Variants in CAMSAP2 observed in about 807,000 individuals in gnomAD.
The protein encoded by CAMSAP2 is calmodulin-regulated spectrin-associated protein 2.
A neutral mutation model predicts 146.1 loss-of-function variants in CAMSAP2; 26 were observed. The observed-to-expected ratio is 0.18, with a 90% CI of 0.13 to 0.25. CAMSAP2 has a LOEUF of 0.25. CAMSAP2 is among the 10% of genes least tolerant of loss of function. The pLI is 1.00. For missense variants in CAMSAP2, 1,381 were observed against 1,759.3 expected, an observed-to-expected ratio of 0.78 and a Z score of 3.85; for synonymous variants, 499 against 596.6, an observed-to-expected ratio of 0.84 and a Z score of 2.38.
Position 200,850,001 on chromosome 1 carries a change from A to C in CAMSAP2, c.3232A>C (p.Thr1078Pro). Reference sequence around the variant, plus strand: ...CTCTGAAGTCCTATCACTGCCTGTCACAGAGACTGTATGTCTGACACCAAA... The same window carrying C: ...CTCTGAAGTCCTATCACTGCCTGTCCCAGAGACTGTATGTCTGACACCAAA... ...TVSEVLSLPV[T>P]ETVCLTPNED... The change falls in exon 11 of 17, where the codon ACA becomes CCA. Residue 1078 changes from threonine to proline, a missense_variant. By Grantham distance (38) the Thr-to-Pro change is conservative. Coordinates refer to ENST00000358823, the MANE Select transcript of CAMSAP2 (RefSeq NM_203459.4). 1 of 1,614,116 alleles carries C rather than the reference A, an allele frequency of 6.2e-7. No homozygotes were observed. Among genetic ancestry groups the C allele is most frequent in the East Asian group, 2.2e-5 (1 of 44,880 alleles).
chr1:200,789,051 GT>G (rs967696085), intron 2 of CAMSAP2, among the ~76,000 whole-genome samples: 2 of 152,026 alleles, frequency 1.3e-5, no homozygotes, highest in Admixed American at 1.3e-4. Flanking sequence ...TGTTTTCTGA[GT>G]TTTAAGAGTT....
chr1:200,782,872 A>G (rs1311153912), intron 2 of CAMSAP2, among the ~76,000 whole-genome samples: 1 of 139,320 alleles, frequency 7.2e-6, no homozygotes, highest in Non-Finnish European at 1.5e-5. Context: ...TCACGGGCTC[A>G]ACCTCCTGGG....
chr1:200,792,589 G>A (rs1470819904), intron 2 of CAMSAP2, among the ~76,000 whole-genome samples: 1 of 152,206 alleles, frequency 6.6e-6, no homozygotes, highest in Non-Finnish European at 1.5e-5. Flanking sequence ...AGGTTGCAGT[G>A]AGCCGAGATG....
At chr1:200,803,904 T>C (rs1289080283) in intron 2 of CAMSAP2, among the ~76,000 whole-genome samples, 1 of 148,448 alleles carries the variant, frequency 6.7e-6, no homozygotes, top group Non-Finnish European at 1.5e-5. Flanking sequence ...ATTCAAACAT[T>C]ATTATGGTAT....
At chr1:200,798,413 T>G (rs1333357088) in intron 2 of CAMSAP2, among the ~76,000 whole-genome samples, 1 of 125,166 alleles carries the variant, frequency 8.0e-6, no homozygotes, top group Admixed American at 8.6e-5. Context: ...CTAGGTATTT[T>G]ATTCTCTTTG....
intron 4 of CAMSAP2, among the ~76,000 whole-genome samples, chr1:200,822,108 T>C (rs1666784359): frequency 6.8e-6 from 1 of 147,666 alleles, no homozygotes; most frequent in Non-Finnish European, 1.5e-5. Flanking sequence ...TCCTTTATCA[T>C]TCTGTCTCCC....
At chr1:200,822,575 AT>A (rs1666802962) in intron 4 of CAMSAP2, among the ~76,000 whole-genome samples, 1 of 152,214 alleles carries the variant, frequency 6.6e-6, no homozygotes, top group African/African-American at 2.4e-5. Context: ...GGCACATGAT[AT>A]CCATTTACCC....
intron 2 of CAMSAP2, among the ~76,000 whole-genome samples, chr1:200,799,962 A>G (rs1665992190): frequency 6.6e-6 from 1 of 152,146 alleles, no homozygotes. Context: ...TTCAGTTTCC[A>G]TGTAGTTTAG....
At position 200,832,139 on chromosome 1, in the gene CAMSAP2, AT is replaced by A. The variant is rs1160605586; in HGVS notation, c.646-54del. On this transcript the variant is annotated intron_variant, in intron 4 of 16. Transcript: ENST00000358823. The surrounding 1 kb of genome is among the most constrained non-coding windows in gnomAD (Gnocchi z 4.2). Reference sequence around the variant, plus strand: ...TGGTACATTAGAATTTACAGTACTGATTTTTTTCCTATGCGTTATTTGGTAC... The same window carrying A: ...TGGTACATTAGAATTTACAGTACTGATTTTTTCCTATGCGTTATTTGGTAC... 6 of 1,365,658 alleles carry A rather than the reference AT, an allele frequency of 4.4e-6. No individual in the cohort carries two copies. Among genetic ancestry groups the A allele is most frequent in the Non-Finnish European group, 5.0e-6 (5 of 1,002,284 alleles). The allele number at this position is 1,365,658 out of a possible 1,614,324, so 84.6% of individuals were successfully genotyped here.
intron 2 of CAMSAP2, among the ~76,000 whole-genome samples, chr1:200,776,137 G>T (rs867876716): frequency 3.9e-5 from 6 of 152,030 alleles, no homozygotes; most frequent in Admixed American, 6.6e-5. Flanking sequence ...TTTGTTTTTG[G>T]TGTTGAAAAT....
chr1:200,818,386 T>C (rs1278112906), intron 4 of CAMSAP2, among the ~76,000 whole-genome samples: 1 of 152,220 alleles, frequency 6.6e-6, no homozygotes, highest in African/African-American at 2.4e-5. Flanking sequence ...CAGTTGCACG[T>C]ATTAACTGTA....
chr1:200,780,572 T>C (rs1188076667), intron 2 of CAMSAP2, among the ~76,000 whole-genome samples: 1 of 152,192 alleles, frequency 6.6e-6, no homozygotes, highest in East Asian at 1.9e-4. Flanking sequence ...CATATGTATT[T>C]GTAGAGGCAG....
At chr1:200,847,806 T>C (rs182879221) in intron 10 of CAMSAP2, 97 bp downstream of exon 10, 2 of 1,123,034 alleles carry the variant, frequency 1.8e-6, no homozygotes, top group African/African-American at 3.1e-5. Context: ...TGCTAAAACT[T>C]TTAATTAGTT....
intron 9 of CAMSAP2, 102 bp downstream of exon 9, chr1:200,847,394 TGTGTG>T (rs1558207061): frequency 1.7e-5 from 13 of 782,614 alleles, no homozygotes; most frequent in African/African-American, 1.1e-4. Context: ...GGTTTTTTTG[TGTGTG>T]TGTGTGTGTG....
At chr1:200,761,460 G>A (rs1324721490) in intron 2 of CAMSAP2, among the ~76,000 whole-genome samples, 2 of 152,302 alleles carry the variant, frequency 1.3e-5, no homozygotes, top group South Asian at 2.1e-4. Context: ...TTATGGCCGG[G>A]CGCGGTGGCT....
At chr1:200,783,757 G>A (rs150808673) in intron 2 of CAMSAP2, among the ~76,000 whole-genome samples, 57 of 152,238 alleles carry the variant, frequency 3.7e-4, no homozygotes, top group Middle Eastern at 3.4e-3. Flanking sequence ...CCAAAGTGCC[G>A]GGATTACAGG....
chr1:200,828,755 A>T, intron 4 of CAMSAP2: 2 of 729,134 alleles, frequency 2.7e-6, no homozygotes, highest in Non-Finnish European at 4.5e-6. Flanking sequence ...GGAAAGATAA[A>T]AGATACAGCC....
rs891047884 is a variant in CAMSAP2, at chr1:200,739,133, G to A, written c.-695G>A. Among the ~76,000 whole-genome samples the A allele has an allele frequency of 5.3e-5, 8 of 152,036 alleles. No homozygotes were observed. The highest frequency in any genetic ancestry group is 1.0e-4 in the Non-Finnish European group (7 of 67,920). On this transcript the variant is annotated 5_prime_UTR_variant, in exon 1 of 17. Coordinates refer to ENST00000358823, the MANE Select transcript of CAMSAP2 (RefSeq NM_203459.4). The surrounding 1 kb of genome is among the most constrained non-coding windows in gnomAD (Gnocchi z 4.8). Reference sequence around the variant, plus strand: ...GGCAGCGGCGACGGCGGCAGGGGAAGGAGGAGACGGCGACGGGAGGGAGCA... The same window carrying A: ...GGCAGCGGCGACGGCGGCAGGGGAAAGAGGAGACGGCGACGGGAGGGAGCA...
intron 1 of CAMSAP2, among the ~76,000 whole-genome samples, chr1:200,755,998 A>T (rs147648594): frequency 1.3e-5 from 2 of 152,268 alleles, no homozygotes; most frequent in Non-Finnish European, 2.9e-5. Flanking sequence ...AAAGGTCTGA[A>T]CCTGGCATAT....
Sources: allele counts gnomAD v4.1 joint callset (sites outside exome capture counted in the v4.1 genomes callset), GRCh38; gene constraint gnomAD v4.1.1; non-coding constraint Gnocchi (gnomAD v3.1); transcripts MANE v1.5; gene names NCBI Gene and HGNC (gene_info 2026-07-23, HGNC 2026-07-21).